Variants in MTHFD1L observed in about 807,000 individuals in gnomAD.
MTHFD1L encodes monofunctional C1-tetrahydrofolate synthase, mitochondrial.
In MTHFD1L, 81 loss-of-function variants were observed where a neutral mutation model predicts 119.5. The observed-to-expected ratio is 0.68, with a 90% confidence interval of 0.57 to 0.82. The LOEUF is 0.82. Among genes scored for constraint, MTHFD1L ranks in the 40% least tolerant of loss-of-function variants. The probability of loss-of-function intolerance (pLI) is 0.00; values close to 1 mark genes in which losing one functional copy is unlikely to be tolerated. For synonymous variants in MTHFD1L, 430 were observed against 475.2 expected (o/e 0.90, Z 1.24); for missense variants, 1,125 against 1,253.4 (o/e 0.90, Z 1.55).
At chr6:151,041,961 C>T (rs1210263618) in intron 26 of MTHFD1L, 4 of 373,818 alleles carry the variant, frequency 1.1e-5, no homozygotes, top group Non-Finnish European at 2.2e-5. Context: ...CACTTATAGG[C>T]CAGGGTTTTT....
intron 27 of MTHFD1L, among the ~76,000 whole-genome samples, chr6:151,100,392 G>A (rs1795276576): frequency 6.6e-6 from 1 of 152,110 alleles, no homozygotes; most frequent in African/African-American, 2.4e-5. Context: ...TGTTAGGGGA[G>A]TATTTGAAGC....
Position 150,945,557 on chromosome 6 carries a change from G to A in MTHFD1L, c.1623+16G>A, listed in dbSNP as rs1399380683. The A allele has an allele frequency of 2.5e-6, 4 of 1,607,844 alleles. No homozygotes were observed. Among genetic ancestry groups the A allele is most frequent in the Middle Eastern group, 1.7e-4 (1 of 6,036 alleles). ...TCGGCTAAAAGTAAGTTTCCAGTTA[G>A]CAATTCTTTAAAAAGAAAATATCGT... On this transcript the variant is annotated intron_variant, in intron 15 of 27. Coordinates refer to ENST00000367321, the MANE Select transcript of MTHFD1L (RefSeq NM_015440.5).
rs1045554465 is a variant in MTHFD1L at position 150,865,933 on chromosome 6, AGGCGGCGGCGGT to A, written c.115_126del (p.Gly39_Gly42del). On this transcript the variant is annotated inframe_deletion, in exon 1 of 28. Coordinates refer to ENST00000367321, the MANE Select transcript of MTHFD1L (RefSeq NM_015440.5). ...GTCGCGCTAGCAGCGGCGGCGGCGG[AGGCGGCGGCGGT>A]GGCCGGGAGGGCCTGCTTGGACAGC... 3.9e-4 allele frequency: 466 copies of A among 1,206,024 alleles called. 2 individuals are homozygous for A. In the African/African-American group the frequency reaches 6.2e-3, roughly 16 times the overall value. The allele number at this position is 1,206,024 out of a possible 1,614,324, so 74.7% of individuals were successfully genotyped here. A position where few individuals can be genotyped will look rare whatever the true frequency, so the allele number is the denominator to read the frequency against.
At chr6:151,099,276 C>T (rs1795151140) in intron 27 of MTHFD1L, among the ~76,000 whole-genome samples, 1 of 151,946 alleles carries the variant, frequency 6.6e-6, no homozygotes, top group Non-Finnish European at 1.5e-5. Context: ...TTCCACCACC[C>T]ACCTCTGGAG....
chr6:150,996,919 C>T (rs760366745), intron 20 of MTHFD1L, among the ~76,000 whole-genome samples: 1 of 152,238 alleles, frequency 6.6e-6, no homozygotes, highest in East Asian at 1.9e-4. Context: ...TTTCTAGGTG[C>T]GGTGGAGAAA....
chr6:150,913,223 T>G (rs1448842340), intron 8 of MTHFD1L, among the ~76,000 whole-genome samples: 1 of 151,926 alleles, frequency 6.6e-6, no homozygotes, highest in Non-Finnish European at 1.5e-5. Context: ...TGCAGTGGCA[T>G]GAGCTCGGCT....
chr6:150,918,412 C>T (rs980992352), intron 8 of MTHFD1L, among the ~76,000 whole-genome samples, 165 bp from the exon 9 acceptor site: 1 of 152,162 alleles, frequency 6.6e-6, no homozygotes, highest in Non-Finnish European at 1.5e-5. Context: ...AATGGAGGGC[C>T]CCAAGCCTGT....
chr6:150,875,830 C>T (rs781072236), intron 1 of MTHFD1L, among the ~76,000 whole-genome samples: 5 of 152,132 alleles, frequency 3.3e-5, no homozygotes, highest in Non-Finnish European at 5.9e-5. Context: ...GAAAAATTCA[C>T]CCCTAGAAAA....
At chr6:151,041,957 T>C (rs147993913) in intron 26 of MTHFD1L, 21 of 378,642 alleles carry the variant, frequency 5.5e-5, no homozygotes, top group African/African-American at 2.4e-4. Flanking sequence ...TGTTCACTTA[T>C]AGGCCAGGGT....
At chr6:151,026,820 CT>C (rs1158007442) in intron 24 of MTHFD1L, among the ~76,000 whole-genome samples, 26 of 51,284 alleles carry the variant, frequency 5.1e-4, no homozygotes, top group South Asian at 2.3e-3. Context: ...CCTTTCTATC[CT>C]TTTTTTTTTT....
intron 19 of MTHFD1L, among the ~76,000 whole-genome samples, chr6:150,965,302 G>A (rs1240878326): frequency 1.3e-5 from 2 of 152,084 alleles, no homozygotes; most frequent in African/African-American, 4.8e-5. Flanking sequence ...ATTTTTAAGT[G>A]TATTCATAGC....
intron 26 of MTHFD1L, among the ~76,000 whole-genome samples, chr6:151,042,370 T>A (rs1232480875): frequency 1.3e-5 from 2 of 152,246 alleles, no homozygotes; most frequent in Non-Finnish European, 2.9e-5. Context: ...TACATCTTTT[T>A]GTAAGAGATA....
intron 24 of MTHFD1L, among the ~76,000 whole-genome samples, chr6:151,031,017 C>G (rs1481960112): frequency 6.6e-6 from 1 of 152,156 alleles, no homozygotes; most frequent in African/African-American, 2.4e-5. Flanking sequence ...CTCATCTCTA[C>G]CAAAAATAAA....
chr6:150,897,466 G>A (rs911172642), intron 7 of MTHFD1L, among the ~76,000 whole-genome samples: 3 of 152,218 alleles, frequency 2.0e-5, no homozygotes, highest in Non-Finnish European at 2.9e-5. Context: ...TTCCACTGCA[G>A]TAGAATCATA....
Position 151,014,903 on chromosome 6 carries a change from C to A in MTHFD1L, c.2331C>A (p.Gly777=). 6.2e-7 allele frequency: 1 copy of A among 1,614,100 alleles called. No individual in the cohort carries two copies. Among genetic ancestry groups the A allele is most frequent in the African/African-American group, 1.3e-5 (1 of 75,040 alleles). Residue 777 remains glycine (G), a synonymous_variant, in exon 23 of 28, where the codon GGC becomes GGA. Coordinates refer to ENST00000367321, the MANE Select transcript of MTHFD1L (RefSeq NM_015440.5). ...TEENIQLVAD[G]CCNLQKQIQI... ...AGAACATCCAGCTGGTGGCAGACGG[C>A]TGCTGTAACCTCCAGAAGCAAATTC... is the stretch of plus-strand genomic sequence containing the variant.
intron 20 of MTHFD1L, among the ~76,000 whole-genome samples, chr6:150,997,910 G>A (rs879779134): frequency 6.6e-6 from 1 of 152,210 alleles, no homozygotes; most frequent in African/African-American, 2.4e-5. Context: ...CGATCTGCTT[G>A]TGAGAAACCG....
At chr6:150,992,062 T>C (rs975231920) in intron 20 of MTHFD1L, among the ~76,000 whole-genome samples, 1 of 152,242 alleles carries the variant, frequency 6.6e-6, no homozygotes, top group Non-Finnish European at 1.5e-5. Flanking sequence ...AGGACTGTAC[T>C]TTAAGATACT....
At chr6:150,876,243 A>C in intron 2 of MTHFD1L, 69 bp downstream of exon 2, 3 of 1,239,904 alleles carry the variant, frequency 2.4e-6, no homozygotes, top group Middle Eastern at 2.9e-4. Context: ...GATTGTATAC[A>C]AAAGAGCAGC....
At chr6:151,084,338 G>C (rs1194542166) in intron 26 of MTHFD1L, among the ~76,000 whole-genome samples, 1 of 152,214 alleles carries the variant, frequency 6.6e-6, no homozygotes, top group Non-Finnish European at 1.5e-5. Context: ...TGGGGCTGCA[G>C]GACTCAGCCA....
Sources: gnomAD v4.1 joint callset for allele counts (sites outside exome capture counted in the v4.1 genomes callset) on GRCh38, gnomAD v4.1.1 for gene constraint, MANE v1.5 for transcripts, NCBI Gene and HGNC (gene_info 2026-07-23, HGNC 2026-07-21) for gene names.